Variants in SLC9A3 observed in about 807,000 individuals in gnomAD.
SLC9A3 encodes the protein sodium/hydrogen exchanger 3.
Under a neutral mutation model 86.8 loss-of-function variants are expected in SLC9A3, and 37 were observed. The ratio of observed to expected loss-of-function variants is 0.43; its 90% CI spans 0.33 to 0.56. SLC9A3 has a LOEUF of 0.56. Among genes scored for constraint, SLC9A3 ranks in the 20% least tolerant of loss-of-function variants. The pLI is 0.06. For synonymous variants in SLC9A3, 581 were observed against 528.3 expected (o/e 1.10, Z -1.37); for missense variants, 1,011 against 1,171.9 (o/e 0.86, Z 2.00).
chr5:506,303 G>A (rs1444814587), intron 1 of SLC9A3, among the ~76,000 whole-genome samples: 6 of 152,206 alleles, frequency 3.9e-5, no homozygotes, highest in African/African-American at 9.7e-5. Context: ...AAAGGGGCCC[G>A]AGACGGGGGC....
intron 1 of SLC9A3, among the ~76,000 whole-genome samples, chr5:511,976 G>A (rs570498030): frequency 2.9e-4 from 43 of 147,586 alleles, no homozygotes; most frequent in African/African-American, 1.1e-3. Flanking sequence ...AGGAAACACA[G>A]ATGCAATGAC....
Position 474,932 on chromosome 5 carries a change from C to G in SLC9A3, c.2452G>C (p.Asp818His). The change falls in exon 16 of 17, where the codon GAC becomes CAC. Residue 818 changes from aspartate (D) to histidine (H), a missense_variant. Physicochemically the swap from Asp to His is moderately conservative, Grantham distance 81. This residue lies in a region of SLC9A3 where 397 missense variants were observed against 346.3 expected (regional missense o/e 1.15). Coordinates refer to ENST00000264938, the MANE Select transcript of SLC9A3 (RefSeq NM_004174.4). ...GCGGGGGGCCGCTCCTCGGGGCCGT[C>G]TGCCTGCAGGAAGGAGTCCACGGAC... ...SKSVDSFLQA[D>H]GPEERPPAAL... is the part of the protein sequence containing the mutation. The G allele has an allele frequency of 1.2e-6, 2 of 1,604,550 alleles. No individual in the cohort carries two copies.
chr5:482,444 C>T (rs1275269424), intron 7 of SLC9A3, 104 bp downstream of exon 7: 3 of 982,846 alleles, frequency 3.1e-6, no homozygotes, highest in Non-Finnish European at 4.6e-6. Context: ...AATTATGAAA[C>T]CCAATTAGGG....
chr5:511,460 C>A (rs1228034287), intron 1 of SLC9A3, among the ~76,000 whole-genome samples: 1 of 152,230 alleles, frequency 6.6e-6, no homozygotes, highest in Non-Finnish European at 1.5e-5. Context: ...GAAAAATAAA[C>A]AACCCAGTGA....
At chr5:484,760 C>G in intron 4 of SLC9A3, 63 bp from the exon 5 acceptor site, 1 of 1,532,478 alleles carries the variant, frequency 6.5e-7, no homozygotes, top group Admixed American at 1.7e-5. Context: ...CCAGGGGCCG[C>G]CTGGTGACCC....
intron 3 of SLC9A3, 147 bp from the exon 4 acceptor site, chr5:485,378 C>T (rs983760841): frequency 8.6e-6 from 6 of 697,338 alleles, no homozygotes; most frequent in Non-Finnish European, 5.2e-6. Flanking sequence ...GCAATGGCCC[C>T]CAAAGGGGAG....
chr5:480,530 T>A (rs1004733482), intron 9 of SLC9A3: 7 of 154,720 alleles, frequency 4.5e-5, no homozygotes, highest in African/African-American at 1.7e-4. Flanking sequence ...TGAGCTTGTG[T>A]GCTCACACCT....
intron 1 of SLC9A3, among the ~76,000 whole-genome samples, chr5:504,784 A>G (rs1241432777): frequency 6.6e-6 from 1 of 152,178 alleles, no homozygotes; most frequent in Non-Finnish European, 1.5e-5. Flanking sequence ...GGCCACCGAC[A>G]TGGCCCCTTC....
chr5:501,185 G>A (rs376438753), intron 1 of SLC9A3, among the ~76,000 whole-genome samples: 12 of 152,154 alleles, frequency 7.9e-5, no homozygotes, highest in East Asian at 5.8e-4. Flanking sequence ...GATGGGCGCC[G>A]GAAAGGGCTT....
chr5:519,127 A>G (rs1356932074), intron 1 of SLC9A3, among the ~76,000 whole-genome samples: 1 of 151,966 alleles, frequency 6.6e-6, no homozygotes, highest in African/African-American at 2.4e-5. Context: ...CTCCTGGGAG[A>G]GTCTTTGCTT....
chr5:489,435 C>T (rs1739623497), intron 2 of SLC9A3, among the ~76,000 whole-genome samples: 1 of 152,158 alleles, frequency 6.6e-6, no homozygotes, highest in African/African-American at 2.4e-5. Flanking sequence ...GGGTTTGTCC[C>T]TGGAGCCGGA....
In SLC9A3 at chr5:491,463, T is replaced by G. The variant is rs1440683410; in HGVS notation, c.514+306A>C. On this transcript the variant is annotated intron_variant, in intron 2 of 16. Coordinates refer to ENST00000264938, the MANE Select transcript of SLC9A3 (RefSeq NM_004174.4). The surrounding 1 kb of genome is among the most constrained non-coding windows in gnomAD (Gnocchi z 9.2). ...TCCCTGGGACCTGGTGGCCGGCGAG[T>G]GTGGACGGACCCCTACCTCTGCCCA... 6.6e-6 allele frequency among the ~76,000 whole-genome samples: 1 copy of G among 151,574 alleles called. No homozygotes were observed. Among genetic ancestry groups the G allele is most frequent in the African/African-American group, 2.4e-5 (1 of 41,134 alleles).
chr5:482,884 C>T (rs1414669054), intron 6 of SLC9A3, 134 bp from the exon 7 acceptor site: 1 of 688,910 alleles, frequency 1.5e-6, no homozygotes, highest in East Asian at 2.7e-5. Context: ...ACGGCGTCCC[C>T]ACGCCACGTC....
At chr5:495,323 C>T (rs373365460) in intron 1 of SLC9A3, among the ~76,000 whole-genome samples, 49 of 152,206 alleles carry the variant, frequency 3.2e-4, no homozygotes, top group African/African-American at 1.2e-3. Flanking sequence ...GACACAGGGA[C>T]CAGCTTTGTC....
Position 488,497 on chromosome 5 carries a change from C to T in SLC9A3, c.515-21G>A, listed in dbSNP as rs376739309. 3.0e-5 allele frequency: 45 copies of T among 1,525,098 alleles called. No homozygotes were observed. In the East Asian group the frequency reaches 7.0e-4, roughly 24 times the overall value. The allele number at this position is 1,525,098 out of a possible 1,614,324, so 94.5% of individuals were successfully genotyped here. A position where few individuals can be genotyped will look rare whatever the true frequency, so the allele number is the denominator to read the frequency against. On this transcript the variant is annotated intron_variant, in intron 2 of 16. Transcript: ENST00000264938. ...GTCGCCTGGAAGACAAGCCGGGCCG[C>T]GGGGCAGCTGCAGGGCCTGCCACCC...
intron 1 of SLC9A3, among the ~76,000 whole-genome samples, chr5:505,509 T>G (rs938599070): frequency 7.8e-3 from 3 of 386 alleles, no homozygotes; most frequent in Admixed American, 0.036. Flanking sequence ...TGTGGGGGGG[T>G]GGGGAGTGAC....
In SLC9A3 at chr5:477,163, C is replaced by T. The variant is rs993415462; in HGVS notation, c.1760+169G>A. ...ATCCAGCACTAAGGGAGTCTGGCCA[C>T]GGCCTAATATAGGAGGGCTTGTGGA... On this transcript the variant is annotated intron_variant, in intron 11 of 16. Transcript: ENST00000264938. 31 of 569,424 alleles carry T rather than the reference C, an allele frequency of 5.4e-5. No homozygotes were observed. The South Asian group carries it at 5.9e-4, about 11-fold the overall frequency. The allele number at this position is 569,424 out of a possible 1,614,324, so 35.3% of individuals were successfully genotyped here.
intron 2 of SLC9A3, among the ~76,000 whole-genome samples, chr5:490,962 T>C (rs1739706460): frequency 6.6e-6 from 1 of 152,218 alleles, no homozygotes; most frequent in Non-Finnish European, 1.5e-5. Context: ...ATGCGTCTCC[T>C]TGGTCTCAGG....
At chr5:511,829 T>C (rs1354688138) in intron 1 of SLC9A3, among the ~76,000 whole-genome samples, 1 of 152,232 alleles carries the variant, frequency 6.6e-6, no homozygotes, top group Non-Finnish European at 1.5e-5. Context: ...ACATGGAGGT[T>C]TATAGCAGCT....
Sources: allele counts gnomAD v4.1 joint callset (sites outside exome capture counted in the v4.1 genomes callset), GRCh38; gene constraint gnomAD v4.1.1; regional missense constraint gnomAD v4.1.1; non-coding constraint Gnocchi (gnomAD v3.1); transcripts MANE v1.5; gene names NCBI Gene and HGNC (gene_info 2026-07-23, HGNC 2026-07-21).